The following PTP4A3 variants were observed in gnomAD, a reference collection of about 807,000 sequenced individuals.
PTP4A3 encodes the protein protein tyrosine phosphatase 4A3, also known as protein tyrosine phosphatase type IVA 3.
PTP4A3 carries 9 observed loss-of-function variants against 15.2 expected under a neutral mutation model. The ratio of observed to expected loss-of-function variants is 0.59; its 90% confidence interval spans 0.36 to 1.03. The LOEUF is 1.03. Among genes scored for constraint, PTP4A3 ranks in the 50% least tolerant of loss-of-function variants. The pLI is 0.02. For synonymous variants in PTP4A3, 95 were observed against 102.0 expected, an observed-to-expected ratio of 0.93 and a Z score of 0.41; for missense variants, 234 against 252.1, an observed-to-expected ratio of 0.93 and a Z score of 0.49.
At chr8:141,418,280 AG>A (rs1563733390) in intron 1 of PTP4A3, among the ~76,000 whole-genome samples, 1 of 152,158 alleles carries the variant, frequency 6.6e-6, no homozygotes, top group African/African-American at 2.4e-5. Context: ...CCAAAATCAC[AG>A]GGGGCGCCCT....
intron 1 of PTP4A3, among the ~76,000 whole-genome samples, chr8:141,415,133 C>A (rs1249853592): frequency 6.6e-6 from 1 of 152,112 alleles, no homozygotes; most frequent in East Asian, 1.9e-4. Flanking sequence ...GGGCTGCCAC[C>A]TGGGAGTGAA....
chr8:141,423,332 T>G (rs991478053), intron 2 of PTP4A3, among the ~76,000 whole-genome samples: 3 of 152,174 alleles, frequency 2.0e-5, no homozygotes, highest in African/African-American at 4.8e-5. Context: ...ACAGAAAGAT[T>G]GGCGAGAACA....
intron 1 of PTP4A3, among the ~76,000 whole-genome samples, chr8:141,412,036 C>T (rs1304680386): frequency 6.6e-6 from 1 of 152,202 alleles, no homozygotes; most frequent in East Asian, 1.9e-4. Context: ...GCTGAGGGCA[C>T]CACGCGAGGC....
chr8:141,427,059 G>T lies in PTP4A3; in HGVS notation c.319G>T (p.Gly107Cys). The change falls in exon 4 of 6, where the codon GGC becomes TGC. Residue 107 changes from glycine to cysteine, a missense_variant. Coordinates refer to ENST00000521578, the MANE Select transcript of PTP4A3 (RefSeq NM_032611.3). ...CTGCGTGGCTGTGCACTGCGTGGCG[G>T]GCCTGGGCCGGTGAGTGTCGGGGCG... ...GSCVAVHCVA[G>C]LGRAPVLVAL... 6.3e-7 allele frequency: 1 copy of T among 1,598,794 alleles called. No homozygotes were observed.
At chr8:141,396,509 C>T (rs1290408104) in intron 1 of PTP4A3, among the ~76,000 whole-genome samples, 12 of 152,172 alleles carry the variant, frequency 7.9e-5, no homozygotes, top group Admixed American at 7.9e-4. Flanking sequence ...GCATTCCTCT[C>T]TCACCGAGCC....
chr8:141,424,473 C>T (rs1025938094), intron 2 of PTP4A3, among the ~76,000 whole-genome samples: 1 of 152,112 alleles, frequency 6.6e-6, no homozygotes, highest in East Asian at 1.9e-4. Flanking sequence ...CCCTCTTAGA[C>T]CCTAAAAACT....
At chr8:141,427,537 C>G (rs1833634089) in intron 4 of PTP4A3, among the ~76,000 whole-genome samples, 1 of 152,226 alleles carries the variant, frequency 6.6e-6, no homozygotes. Flanking sequence ...AACCCTCCCC[C>G]AGCAGATCAC....
intron 1 of PTP4A3, among the ~76,000 whole-genome samples, chr8:141,403,087 C>T (rs1449916623): frequency 2.0e-5 from 3 of 152,160 alleles, no homozygotes; most frequent in East Asian, 3.9e-4. Flanking sequence ...GAGGGAGTGA[C>T]GGGACTTAGG....
At chr8:141,403,149 T>C (rs62522492) in intron 1 of PTP4A3, among the ~76,000 whole-genome samples, 4,889 of 152,258 alleles carry the variant, frequency 0.032, 107 homozygotes, top group Non-Finnish European at 0.048. Context: ...AACCCCAGGA[T>C]GAGCCCCATC....
chr8:141,419,559 A>G (rs866455933), intron 1 of PTP4A3, among the ~76,000 whole-genome samples: 2 of 129,922 alleles, frequency 1.5e-5, no homozygotes, highest in Non-Finnish European at 3.3e-5. Context: ...TGGGGGTCCC[A>G]CCCCACCACC....
At chr8:141,413,748 G>C (rs1222648740) in intron 1 of PTP4A3, among the ~76,000 whole-genome samples, 1 of 152,250 alleles carries the variant, frequency 6.6e-6, no homozygotes, top group Non-Finnish European at 1.5e-5. Context: ...GTCCAGCTGT[G>C]TCTGTTCCAA....
chr8:141,393,904 G>A (rs1832369878), intron 1 of PTP4A3, among the ~76,000 whole-genome samples: 1 of 152,228 alleles, frequency 6.6e-6, no homozygotes, highest in South Asian at 2.1e-4. Context: ...AAGATGACAT[G>A]AGGGCATGCT....
intron 1 of PTP4A3, among the ~76,000 whole-genome samples, chr8:141,417,512 G>A (rs1219227940): frequency 6.6e-6 from 1 of 152,094 alleles, no homozygotes; most frequent in African/African-American, 2.4e-5. Context: ...AAAGCTGGGC[G>A]CGCTCTGTCC....
At chr8:141,429,197 C>T (rs535873463) in intron 5 of PTP4A3, among the ~76,000 whole-genome samples, 112 of 152,374 alleles carry the variant, frequency 7.4e-4, no homozygotes, top group South Asian at 5.6e-3. Flanking sequence ...CCCAGTGTGC[C>T]GGCTGCTGGG....
In PTP4A3 at chr8:141,406,309, C is replaced by A. The variant is rs763115690; in HGVS notation, c.-854+14225C>A. 6.6e-6 allele frequency among the ~76,000 whole-genome samples: 1 copy of A among 152,146 alleles called. No homozygotes were observed. ...CCATTTCCTCACCTTGCACTTGATT[C>A]TGTGATGTGCCTGGACTGGGGATTG... On this transcript the variant is annotated intron_variant, in intron 1 of 5. Coordinates refer to ENST00000521578, the MANE Select transcript of PTP4A3 (RefSeq NM_032611.3). This position sits in a 1 kb window ranked among gnomAD's most constrained non-coding sequence, Gnocchi z 4.5.
intron 3 of PTP4A3, 120 bp from the exon 4 acceptor site, chr8:141,426,819 C>T (rs1268395533): frequency 6.8e-7 from 1 of 1,459,918 alleles, no homozygotes; most frequent in Non-Finnish European, 9.2e-7. Flanking sequence ...TCTGCTGCCC[C>T]CACCCTAGTG....
At chr8:141,423,818 G>A (rs1194827558) in intron 2 of PTP4A3, among the ~76,000 whole-genome samples, 1 of 152,012 alleles carries the variant, frequency 6.6e-6, no homozygotes, top group Non-Finnish European at 1.5e-5. Flanking sequence ...CTGTGACCAG[G>A]GTTAACGCTT....
Position 141,406,027 on chromosome 8 carries a change from G to T in PTP4A3, c.-854+13943G>T, listed in dbSNP as rs567258525. 3.7e-4 allele frequency among the ~76,000 whole-genome samples: 57 copies of T among 152,246 alleles called. No individual in the cohort carries two copies. Among genetic ancestry groups the T allele is most frequent in the Admixed American group, 9.2e-4 (14 of 15,296 alleles). ...CGCGTGGGGCCTTTAGGGCGATAAG[G>T]ATTTTTGGCTTTCCTGAGTGACGCG... On this transcript the variant is annotated intron_variant, in intron 1 of 5. Transcript: ENST00000521578. The surrounding 1 kb of genome is among the most constrained non-coding windows in gnomAD (Gnocchi z 4.5).
chr8:141,422,557 A>G (rs922674340), intron 2 of PTP4A3, among the ~76,000 whole-genome samples: 3 of 151,738 alleles, frequency 2.0e-5, no homozygotes, highest in Non-Finnish European at 2.9e-5. Flanking sequence ...TGGGGGATCA[A>G]CGGGGTCCCC....
Sources: allele counts gnomAD v4.1 joint callset (sites outside exome capture counted in the v4.1 genomes callset), GRCh38; gene constraint gnomAD v4.1.1; non-coding constraint Gnocchi (gnomAD v3.1); transcripts MANE v1.5; gene names NCBI Gene and HGNC (gene_info 2026-07-23, HGNC 2026-07-21).